The following TAF1B variants were observed in gnomAD, a reference collection of about 807,000 sequenced individuals.
TAF1B encodes the protein TATA-box binding protein associated factor, RNA polymerase I subunit B, also known as TATA box-binding protein-associated factor RNA polymerase I subunit B.
In TAF1B, 61 loss-of-function variants were observed where a neutral mutation model predicts 83.9. The ratio of observed to expected loss-of-function variants is 0.73; its 90% CI spans 0.59 to 0.90. TAF1B has a LOEUF of 0.90. Ranked by LOEUF, TAF1B falls within the 40% of genes least tolerant of loss-of-function variation. The pLI, the probability that TAF1B is intolerant of heterozygous loss-of-function variation, is 0.00. For missense variants in TAF1B, 625 were observed against 677.0 expected (o/e 0.92, Z 0.85); for synonymous variants, 221 against 224.6 (o/e 0.98, Z 0.14).
intron 8 of TAF1B, among the ~76,000 whole-genome samples, chr2:9,895,532 C>T (rs1420812523): frequency 6.6e-6 from 1 of 152,064 alleles, no homozygotes; most frequent in African/African-American, 2.4e-5. Flanking sequence ...TTTTCTACTA[C>T]ATGGTAGGTT....
chr2:9,891,127 C>A (rs1368841807), intron 8 of TAF1B, among the ~76,000 whole-genome samples: 3 of 152,178 alleles, frequency 2.0e-5, no homozygotes, highest in African/African-American at 7.2e-5. Context: ...CTGTTTCAGT[C>A]AACAATGGAT....
intron 8 of TAF1B, among the ~76,000 whole-genome samples, chr2:9,903,122 G>A (rs968579346): frequency 1.3e-5 from 2 of 152,106 alleles, no homozygotes; most frequent in African/African-American, 4.8e-5. Context: ...GTCTGGCTCT[G>A]TCGCCCAGGC....
chr2:9,882,835 C>T, intron 8 of TAF1B, 30 bp downstream of exon 8: 2 of 1,484,540 alleles, frequency 1.3e-6, no homozygotes, highest in Non-Finnish European at 1.8e-6. Flanking sequence ...ACTTTCTAGT[C>T]TCTGATAAGG....
intron 8 of TAF1B, among the ~76,000 whole-genome samples, chr2:9,899,199 T>C (rs1424737422): frequency 1.3e-5 from 2 of 152,204 alleles, no homozygotes; most frequent in African/African-American, 4.8e-5. Flanking sequence ...AACACCATTC[T>C]ACTTTCTGTC....
At chr2:9,909,783 T>TA (rs2125172081) in intron 9 of TAF1B, among the ~76,000 whole-genome samples, 1 of 152,322 alleles carries the variant, frequency 6.6e-6, no homozygotes, top group East Asian at 1.9e-4. Flanking sequence ...CTATTTTAGA[T>TA]AGATTGTTTA....
chr2:9,903,177 C>T (rs1486258765), intron 8 of TAF1B, among the ~76,000 whole-genome samples: 1 of 152,166 alleles, frequency 6.6e-6, no homozygotes, highest in Non-Finnish European at 1.5e-5. Context: ...GCTCCGCCTC[C>T]TGGGTTCACG....
At chr2:9,895,773 A>T (rs1037175092) in intron 8 of TAF1B, among the ~76,000 whole-genome samples, 1 of 151,322 alleles carries the variant, frequency 6.6e-6, no homozygotes, top group Non-Finnish European at 1.5e-5. Context: ...AATCTGCCTC[A>T]AAACAACAAT....
At chr2:9,901,037 T>G (rs1665164527) in intron 8 of TAF1B, among the ~76,000 whole-genome samples, 1 of 152,184 alleles carries the variant, frequency 6.6e-6, no homozygotes, top group Non-Finnish European at 1.5e-5. Context: ...TTTCCTAAAT[T>G]TTCTATAATG....
At chr2:9,873,749 A>G (rs964595380) in intron 6 of TAF1B, among the ~76,000 whole-genome samples, 1 of 149,032 alleles carries the variant, frequency 6.7e-6, no homozygotes. Flanking sequence ...CATCCAATCT[A>G]TCAGCAAATC....
At chr2:9,890,330 GT>G (rs1357471855) in intron 8 of TAF1B, among the ~76,000 whole-genome samples, 1 of 152,152 alleles carries the variant, frequency 6.6e-6, no homozygotes, top group Non-Finnish European at 1.5e-5. Context: ...CCCATGGTTG[GT>G]AATCCTTCAT....
rs925900332 is a variant in TAF1B at position 9,910,662 on chromosome 2, G to T, written c.956-74G>T. ...CATAGTGTCGTGTTTTAAGATAAAGGTTATTTTATGGATATATACATTGGG... is the reference window on the plus strand; with the variant it reads ...CATAGTGTCGTGTTTTAAGATAAAGTTTATTTTATGGATATATACATTGGG... On this transcript the variant is annotated intron_variant, in intron 9 of 14. Transcript: ENST00000263663. 12 of 1,334,786 alleles carry T rather than the reference G, an allele frequency of 9.0e-6. No individual in the cohort carries two copies. In the African/African-American group the frequency reaches 1.4e-4, roughly 16 times the overall value. 82.7% of individuals were successfully genotyped at this position (1,334,786 alleles called of 1,614,324 possible).
At chr2:9,916,909 C>T (rs912593293) in intron 12 of TAF1B, among the ~76,000 whole-genome samples, 2 of 136,648 alleles carry the variant, frequency 1.5e-5, no homozygotes, top group South Asian at 2.5e-4. Context: ...TGCAATGACA[C>T]GATCTCGGCC....
intron 8 of TAF1B, among the ~76,000 whole-genome samples, chr2:9,888,704 T>G (rs985404556): frequency 6.6e-6 from 1 of 151,864 alleles, no homozygotes; most frequent in Non-Finnish European, 1.5e-5. Context: ...TTTAGCTGCT[T>G]TTTAAGATTT....
At chr2:9,907,020 G>A (rs1308088951) in intron 9 of TAF1B, among the ~76,000 whole-genome samples, 1 of 152,038 alleles carries the variant, frequency 6.6e-6, no homozygotes, top group African/African-American at 2.4e-5. Flanking sequence ...TGAGACTGCA[G>A]GCACGCACCA....
At chr2:9,854,749 A>G (rs1006271204) in intron 5 of TAF1B, among the ~76,000 whole-genome samples, 1 of 152,208 alleles carries the variant, frequency 6.6e-6, no homozygotes, top group East Asian at 1.9e-4. Flanking sequence ...TTAATAATGT[A>G]TTTATTCTGT....
At chr2:9,845,165 C>T (rs947378555) in intron 1 of TAF1B, 55 bp from the exon 2 acceptor site, 17 of 1,319,808 alleles carry the variant, frequency 1.3e-5, no homozygotes, top group East Asian at 4.6e-5. Context: ...GGTTTAGGTA[C>T]GATGTATTGA....
At position 9,916,837 on chromosome 2, in the gene TAF1B, C is replaced by CTTTTTTTTTTTTTTT. The variant is rs371475463; in HGVS notation, c.1272-2200_1272-2186dup. ...TGATTAGAAAAATTTCCTTTCTGTTCTTTTTTTTTTTTTTTTTTGAGATGG... is the reference window on the plus strand; with the variant it reads ...TGATTAGAAAAATTTCCTTTCTGTTCTTTTTTTTTTTTTTTTTTTTTTTTTTTTTTTTTGAGATGG... On this transcript the variant is annotated intron_variant, in intron 12 of 14. Transcript: ENST00000263663. Among the ~76,000 whole-genome samples the CTTTTTTTTTTTTTTT allele has an allele frequency of 4.1e-3, 391 of 95,616 alleles. 17 individuals carry two copies. Among genetic ancestry groups the CTTTTTTTTTTTTTTT allele is most frequent in the Middle Eastern group, 0.016 (2 of 128 alleles). The allele number at this position is 95,616 out of a possible 152,430, so 62.7% of individuals were successfully genotyped here. A position where few individuals can be genotyped will look rare whatever the true frequency, so the allele number is the denominator to read the frequency against.
At chr2:9,877,311 A>G (rs1332330348) in intron 7 of TAF1B, among the ~76,000 whole-genome samples, 1 of 152,202 alleles carries the variant, frequency 6.6e-6, no homozygotes, top group Non-Finnish European at 1.5e-5. Context: ...CAGCATGACT[A>G]GAGGTTCATC....
chr2:9,882,109 CT>C (rs756368455), intron 7 of TAF1B, among the ~76,000 whole-genome samples: 269 of 144,118 alleles, frequency 1.9e-3, no homozygotes, highest in Middle Eastern at 3.7e-3. Flanking sequence ...TTCTTGAACA[CT>C]TTTTTTTTTT....
Sources: gnomAD v4.1 joint callset for allele counts (sites outside exome capture counted in the v4.1 genomes callset) on GRCh38, gnomAD v4.1.1 for gene constraint, MANE v1.5 for transcripts, NCBI Gene and HGNC (gene_info 2026-07-23, HGNC 2026-07-21) for gene names.